Variants in SMARCA4 observed in about 807,000 individuals in gnomAD.
The protein encoded by SMARCA4 is SWI/SNF-related matrix-associated actin-dependent regulator of chromatin subfamily A member 4.
SMARCA4 carries 31 observed loss-of-function variants against 193.9 expected under a neutral mutation model. The observed-to-expected ratio is 0.16, with a 90% CI of 0.12 to 0.22. The LOEUF (loss-of-function observed/expected upper bound fraction) is 0.22. SMARCA4 is among the 10% of genes least tolerant of loss of function. SMARCA4 has a pLI of 1.00. For synonymous variants in SMARCA4, 942 were observed against 933.1 expected, an observed-to-expected ratio of 1.01 and a Z score of -0.17; for missense variants, 1,148 against 2,296.0, an observed-to-expected ratio of 0.50 and a Z score of 10.22.
chr19:11,049,730 G>A (rs2076153376), intron 30 of SMARCA4, among the ~76,000 whole-genome samples: 1 of 152,218 alleles, frequency 6.6e-6, no homozygotes, highest in Admixed American at 6.5e-5. Flanking sequence ...TGTGGGCTCA[G>A]CCAGCAGCCT....
At chr19:11,008,068 G>C (rs2088415603) in intron 14 of SMARCA4, 45 bp downstream of exon 14, 1 of 1,594,640 alleles carries the variant, frequency 6.3e-7, no homozygotes, top group African/African-American at 1.3e-5. Flanking sequence ...CTTCCTGTGA[G>C]GTGGCGCTGG....
In SMARCA4 at chr19:11,048,575, C is replaced by T. The variant is rs1050032059; in HGVS notation, c.4424+7015C>T. Among the ~76,000 whole-genome samples the T allele has an allele frequency of 2.0e-5, 3 of 152,290 alleles. No homozygotes were observed. In the South Asian group the frequency reaches 6.2e-4, roughly 32 times the overall value. On this transcript the variant is annotated intron_variant, in intron 30 of 34. Coordinates refer to ENST00000344626, the MANE Select transcript of SMARCA4 (RefSeq NM_003072.5). ...ATTCGGTGTCAGGAGCCTGCCTCGCCGAGCTGGAGAGTGTGCCCATGACTG... is the reference window on the plus strand; with the variant it reads ...ATTCGGTGTCAGGAGCCTGCCTCGCTGAGCTGGAGAGTGTGCCCATGACTG...
chr19:11,056,632 C>T (rs2076562131), intron 30 of SMARCA4, among the ~76,000 whole-genome samples: 1 of 152,104 alleles, frequency 6.6e-6, no homozygotes, highest in African/African-American at 2.4e-5. Flanking sequence ...GCCCAGCAAG[C>T]AGGGGATGAT....
intron 15 of SMARCA4, among the ~76,000 whole-genome samples, chr19:11,011,477 G>T (rs749919842): frequency 2.0e-5 from 3 of 152,140 alleles, no homozygotes; most frequent in African/African-American, 4.8e-5. Context: ...CGCCCACCTT[G>T]GCCTCCCAAA....
In SMARCA4 at chr19:11,062,140, G is replaced by A; in HGVS notation, c.*324G>A. 2.1e-6 allele frequency: 1 copy of A among 471,634 alleles called. No homozygotes were observed. Among genetic ancestry groups the A allele is most frequent in the Non-Finnish European group, 3.9e-6 (1 of 256,606 alleles). 29.2% of individuals were successfully genotyped at this position (471,634 alleles called of 1,614,324 possible). On this transcript the variant is annotated 3_prime_UTR_variant, in exon 35 of 35. Coordinates refer to ENST00000344626, the MANE Select transcript of SMARCA4 (RefSeq NM_003072.5). The stretch of plus-strand genomic sequence containing the variant: ...CGCAGTTTGGAGTCACTGTAGTTAA[G>A]TGTGGATGCATGTGCGTCACCGTCC...
rs2090097829 is a variant in SMARCA4 at position 11,024,336 on chromosome 19, G to A, written c.2979G>A (p.Glu993=). The change falls in exon 21 of 35, where the codon GAG becomes GAA. Residue 993 remains glutamate, a synonymous_variant. Transcript: ENST00000344626. ...EVEAQLPEKV[E]YVIKCDMSAL... is the part of the protein sequence containing the mutation. Reference sequence around the variant, plus strand: ...GCATTATGTGTCCCCTGCAGGTGGAGTACGTCATCAAGTGCGACATGTCTG... The same window carrying A: ...GCATTATGTGTCCCCTGCAGGTGGAATACGTCATCAAGTGCGACATGTCTG... The A allele has an allele frequency of 1.9e-6, 3 of 1,610,802 alleles. No individual in the cohort carries two copies. The highest frequency in any genetic ancestry group is 1.1e-5 in the South Asian group (1 of 91,028).
Position 11,031,554 on chromosome 19 carries a change from T to C in SMARCA4, c.3546+661T>C, listed in dbSNP as rs1211819325. On this transcript the variant is annotated intron_variant, in intron 25 of 34. Coordinates refer to ENST00000344626, the MANE Select transcript of SMARCA4 (RefSeq NM_003072.5). This position sits in a 1 kb window ranked among gnomAD's most constrained non-coding sequence, Gnocchi z 4.3. ...CAGCCCATCTGCCTTCGCACATGTA[T>C]GTACTGAGATTAACACAGATGCGGC... 1 of 157,426 alleles carries C rather than the reference T, an allele frequency of 6.4e-6. No homozygotes were observed. The highest frequency in any genetic ancestry group is 1.4e-5 in the Non-Finnish European group (1 of 70,998). The allele number at this position is 157,426 out of a possible 1,614,324, so 9.8% of individuals were successfully genotyped here. A position where few individuals can be genotyped will look rare whatever the true frequency, so the allele number is the denominator to read the frequency against.
chr19:11,003,489 G>GAGAC, intron 13 of SMARCA4, 92 bp downstream of exon 13: 2 of 1,224,736 alleles, frequency 1.6e-6, no homozygotes, highest in Non-Finnish European at 2.4e-6. Flanking sequence ...GCCCTGGCTG[G>GAGAC]GCATCTTGTG....
rs2146595556 is a variant in SMARCA4 at position 11,030,691 on chromosome 19, G to A, written c.3383-39G>A. The A allele has an allele frequency of 1.3e-6, 2 of 1,593,622 alleles. No individual in the cohort carries two copies. Among genetic ancestry groups the A allele is most frequent in the Non-Finnish European group, 1.7e-6 (2 of 1,169,648 alleles). On this transcript the variant is annotated intron_variant, in intron 24 of 34. Transcript: ENST00000344626. The surrounding 1 kb of genome is among the most constrained non-coding windows in gnomAD (Gnocchi z 5.5). ...CTTGGTGTCCCCACTCTACCCCTGA[G>A]GTCACCCCGCTGACCCTGTTCTCCT... is the stretch of plus-strand genomic sequence containing the variant.
chr19:11,056,758 C>G (rs1459813920), intron 30 of SMARCA4, among the ~76,000 whole-genome samples: 2 of 152,196 alleles, frequency 1.3e-5, no homozygotes, highest in Admixed American at 6.5e-5. Context: ...GTGATGCACA[C>G]AAACACCAAA....
intron 1 of SMARCA4, among the ~76,000 whole-genome samples, chr19:10,972,410 T>C (rs1322667217): frequency 6.6e-6 from 1 of 152,028 alleles, no homozygotes; most frequent in Non-Finnish European, 1.5e-5. Flanking sequence ...ATACTTTTTT[T>C]TTTTTTTAAT....
At chr19:10,994,681 G>C in intron 8 of SMARCA4, 147 bp from the exon 9 acceptor site, 1 of 716,598 alleles carries the variant, frequency 1.4e-6, no homozygotes, top group Admixed American at 2.0e-5. Flanking sequence ...GGATGATCTC[G>C]ATCTCCTGAC....
intron 11 of SMARCA4, among the ~76,000 whole-genome samples, chr19:10,997,193 TTTTATTTATTTA>T (rs889578704): frequency 1.3e-5 from 2 of 151,414 alleles, no homozygotes; most frequent in African/African-American, 4.9e-5. Context: ...TTAATTTTAT[TTTTATTTATTTA>T]TTTATTTATT....
At position 10,984,749 on chromosome 19, in the gene SMARCA4, T is replaced by C. The variant is rs1329448911; in HGVS notation, c.222+376T>C. Reference sequence around the variant, plus strand: ...CCGTTCTGGCTGTCAGGCTCACCTGTGCAGCTCGCAGAGCCGAGCAGCGGG... The same window carrying C: ...CCGTTCTGGCTGTCAGGCTCACCTGCGCAGCTCGCAGAGCCGAGCAGCGGG... On this transcript the variant is annotated intron_variant, in intron 2 of 34. Transcript: ENST00000344626. The surrounding 1 kb of genome is among the most constrained non-coding windows in gnomAD (Gnocchi z 4.3). Among the ~76,000 whole-genome samples, 1 of 152,258 alleles carries C rather than the reference T, an allele frequency of 6.6e-6. No individual in the cohort carries two copies. Among genetic ancestry groups the C allele is most frequent in the Non-Finnish European group, 1.5e-5 (1 of 68,044 alleles).
At chr19:11,044,980 C>T (rs2075817663) in intron 30 of SMARCA4, among the ~76,000 whole-genome samples, 1 of 152,188 alleles carries the variant, frequency 6.6e-6, no homozygotes, top group African/African-American at 2.4e-5. Flanking sequence ...AGTACTGCTA[C>T]CTGGAAGAAG....
At position 11,059,883 on chromosome 19, in the gene SMARCA4, A is replaced by C; in HGVS notation, c.4766A>C (p.Glu1589Ala). ...EEGEEEGSES[E>A]SRSVKVKIKL... ...GGCGAGGAGGAAGGCTCCGAATCCG[A>C]ATGTGAGTCCCGGGGGGGTTCAGGA... The change falls in exon 33 of 35, where the codon GAA becomes GCA. Residue 1589 changes from glutamate (E) to alanine (A), a missense_variant and splice_region_variant. Transcript: ENST00000344626. 6.2e-7 allele frequency: 1 copy of C among 1,613,938 alleles called. No homozygotes were observed.
At chr19:11,013,202 G>T in intron 16 of SMARCA4, 90 bp downstream of exon 16, 1 of 1,425,634 alleles carries the variant, frequency 7.0e-7, no homozygotes, top group Non-Finnish European at 9.7e-7. Flanking sequence ...TACCACAAAC[G>T]AGGTGGCTTA....
At chr19:10,968,521 T>C (rs993899914) in intron 1 of SMARCA4, among the ~76,000 whole-genome samples, 2 of 152,078 alleles carry the variant, frequency 1.3e-5, no homozygotes, top group African/African-American at 4.8e-5. Flanking sequence ...TTTCCACTTT[T>C]TATTTTTTTA....
chr19:11,008,779 G>T (rs896366673), intron 14 of SMARCA4, among the ~76,000 whole-genome samples: 4 of 151,660 alleles, frequency 2.6e-5, no homozygotes, highest in Non-Finnish European at 5.9e-5. Flanking sequence ...TTCAAGACCA[G>T]CCTGGCCAAC....
Sources: allele counts gnomAD v4.1 joint callset (sites outside exome capture counted in the v4.1 genomes callset), GRCh38; gene constraint gnomAD v4.1.1; non-coding constraint Gnocchi (gnomAD v3.1); transcripts MANE v1.5; gene names NCBI Gene and HGNC (gene_info 2026-07-23, HGNC 2026-07-21).